Variants in ADGRL3 observed in about 807,000 individuals in gnomAD.
The protein encoded by ADGRL3 is adhesion G protein-coupled receptor L3.
In ADGRL3, 62 loss-of-function variants were observed where a neutral mutation model predicts 153.5. That is an observed-to-expected ratio of 0.40 (90% CI 0.33 to 0.50). The LOEUF (loss-of-function observed/expected upper bound fraction) is 0.50, where lower values mean the gene tolerates loss of function less well. ADGRL3 is among the 20% of genes least tolerant of loss of function. The pLI is 0.47. For missense variants in ADGRL3, 1,641 were observed against 1,859.4 expected, an observed-to-expected ratio of 0.88 and a Z score of 2.16; for synonymous variants, 710 against 672.5, an observed-to-expected ratio of 1.06 and a Z score of -0.86.
At chr4:61,447,251 C>T (rs1444040235) in intron 2 of ADGRL3, among the ~76,000 whole-genome samples, 1 of 152,078 alleles carries the variant, frequency 6.6e-6, no homozygotes, top group South Asian at 2.1e-4. Context: ...ATAGACATCC[C>T]TTTGTGTTAC....
intron 1 of ADGRL3, among the ~76,000 whole-genome samples, chr4:61,213,458 A>AT (rs139696851): frequency 0.068 from 10,356 of 151,806 alleles, 891 homozygotes; most frequent in African/African-American, 0.2. Context: ...TCATATTTAA[A>AT]TTTTTTTTCT....
intron 21 of ADGRL3, among the ~76,000 whole-genome samples, chr4:62,013,132 T>A (rs1035810000): frequency 6.6e-6 from 1 of 152,114 alleles, no homozygotes; most frequent in Non-Finnish European, 1.5e-5. Context: ...GGAGTTGTGA[T>A]GGGAAAGAGG....
chr4:61,450,503 G>A (rs1461358578), intron 2 of ADGRL3, among the ~76,000 whole-genome samples: 1 of 152,090 alleles, frequency 6.6e-6, no homozygotes, highest in East Asian at 1.9e-4. Flanking sequence ...TGCCTGTTAA[G>A]TGGCATATTG....
intron 9 of ADGRL3, among the ~76,000 whole-genome samples, chr4:61,861,536 G>C (rs2098340198): frequency 6.6e-6 from 1 of 151,920 alleles, no homozygotes; most frequent in Non-Finnish European, 1.5e-5. Flanking sequence ...GATTAGGTGG[G>C]GTTGTGATTA....
At chr4:61,468,939 G>A (rs2097914671) in intron 2 of ADGRL3, among the ~76,000 whole-genome samples, 1 of 152,128 alleles carries the variant, frequency 6.6e-6, no homozygotes, top group Non-Finnish European at 1.5e-5. Context: ...TATATACAAA[G>A]TTATAATGAA....
chr4:61,734,373 T>G (rs1348394058), intron 8 of ADGRL3, among the ~76,000 whole-genome samples: 1 of 152,138 alleles, frequency 6.6e-6, no homozygotes, highest in Non-Finnish European at 1.5e-5. Context: ...GGGTAATTTA[T>G]AAAAGAAAGA....
Position 61,769,779 on chromosome 4 carries a change from G to C in ADGRL3, c.1399+36225G>C, listed in dbSNP as rs370904349. Among the ~76,000 whole-genome samples, 5 of 150,944 alleles carry C rather than the reference G, an allele frequency of 3.3e-5. No individual in the cohort carries two copies. In the East Asian group the frequency reaches 7.9e-4, roughly 24 times the overall value. ...TGCTCAGTGGGCAGGAGTGGGGGTC[G>C]CAAGGTGCTCAGTGGGGGTGCTTTT... On this transcript the variant is annotated intron_variant, in intron 8 of 26. Transcript: ENST00000683033.
intron 9 of ADGRL3, among the ~76,000 whole-genome samples, chr4:61,841,809 C>T (rs940525944): frequency 1.3e-5 from 2 of 152,146 alleles, no homozygotes; most frequent in African/African-American, 2.4e-5. Context: ...GAGTTCCTTG[C>T]TGTCTAGACT....
intron 1 of ADGRL3, among the ~76,000 whole-genome samples, chr4:61,291,567 CATATATATATATATACATATAT>C (rs1422537395): frequency 4.9e-4 from 66 of 134,376 alleles, no homozygotes; most frequent in Non-Finnish European, 7.5e-4. Flanking sequence ...TATATATATA[CATATATATATATATACATATAT>C]ATATATATAT....
At chr4:61,593,716 T>C (rs976068625) in intron 5 of ADGRL3, among the ~76,000 whole-genome samples, 2 of 152,154 alleles carry the variant, frequency 1.3e-5, no homozygotes, top group Non-Finnish European at 2.9e-5. Context: ...TTTTTCCCTC[T>C]GGCTGCTTTT....
At chr4:61,518,745 G>T (rs1042211020) in intron 4 of ADGRL3, among the ~76,000 whole-genome samples, 1 of 152,282 alleles carries the variant, frequency 6.6e-6, no homozygotes, top group African/African-American at 2.4e-5. Flanking sequence ...CAGCAAAGTG[G>T]TGGGCGAGGC....
At chr4:61,975,697 C>A (rs1253737677) in intron 17 of ADGRL3, among the ~76,000 whole-genome samples, 1 of 152,060 alleles carries the variant, frequency 6.6e-6, no homozygotes, top group Non-Finnish European at 1.5e-5. Flanking sequence ...CAGATGGCTC[C>A]AATCAAGTTG....
intron 8 of ADGRL3, among the ~76,000 whole-genome samples, chr4:61,781,331 C>CAAAAAAAAAAAAAAAAAAAA (rs71281828): frequency 1.9e-4 from 12 of 64,394 alleles, no homozygotes; most frequent in African/African-American, 6.6e-4. Context: ...ATTCTGCCTC[C>CAAAAAAAAAAAAAAAAAAAA]AAAAAAAAAA....
At chr4:61,814,357 TAAA>T (rs2097664823) in intron 9 of ADGRL3, among the ~76,000 whole-genome samples, 1 of 152,114 alleles carries the variant, frequency 6.6e-6, no homozygotes, top group African/African-American at 2.4e-5. Flanking sequence ...AAATATGTGT[TAAA>T]ATTATGTATT....
intron 2 of ADGRL3, among the ~76,000 whole-genome samples, chr4:61,394,324 G>A (rs1181879990): frequency 1.3e-5 from 2 of 152,000 alleles, no homozygotes; most frequent in African/African-American, 4.8e-5. Flanking sequence ...TCTAAAGAGT[G>A]TAAGACATAC....
In ADGRL3 at chr4:61,523,768, T is replaced by C. The variant is rs2098544333; in HGVS notation, c.259+6250T>C. Among the ~76,000 whole-genome samples, 3 of 152,100 alleles carry C rather than the reference T, an allele frequency of 2.0e-5. No individual in the cohort carries two copies. The South Asian group carries it at 6.2e-4, about 31-fold the overall frequency. On this transcript the variant is annotated intron_variant, in intron 4 of 26. Coordinates refer to ENST00000683033, the MANE Select transcript of ADGRL3 (RefSeq NM_001387552.1). ...AATGTGCGAGCTTGACCTTCAAGTA[T>C]TTCCAGAATAGTATAAGCTCAGTCT...
chr4:61,282,829 C>G (rs1182575078), intron 1 of ADGRL3, among the ~76,000 whole-genome samples: 1 of 152,008 alleles, frequency 6.6e-6, no homozygotes, highest in African/African-American at 2.4e-5. Flanking sequence ...TTTAGATTCA[C>G]AATGGAAATT....
chr4:61,202,285 G>T lies in ADGRL3; in HGVS notation c.-240+520G>T. On this transcript the variant is annotated intron_variant, in intron 1 of 26. Transcript: ENST00000683033. The surrounding 1 kb of genome is among the most constrained non-coding windows in gnomAD (Gnocchi z 5.0). The stretch of plus-strand genomic sequence containing the variant: ...AAATGCAGGGTGCCGAGCCCGGCGC[G>T]ATTCTCCCTCAACGCTTGCCTGGAG... 1 of 152,596 alleles carries T rather than the reference G, an allele frequency of 6.6e-6. No individual in the cohort carries two copies. The highest frequency in any genetic ancestry group is 1.9e-4 in the East Asian group (1 of 5,154). 9.5% of individuals were successfully genotyped at this position (152,596 alleles called of 1,614,324 possible).
chr4:61,240,929 T>G, intron 1 of ADGRL3, among the ~76,000 whole-genome samples: 1 of 152,060 alleles, frequency 6.6e-6, no homozygotes, highest in East Asian at 1.9e-4. Context: ...TGTATAGGTA[T>G]GATTTTAGTG....
Sources: gnomAD v4.1 joint callset for allele counts (sites outside exome capture counted in the v4.1 genomes callset) on GRCh38, gnomAD v4.1.1 for gene constraint, Gnocchi (gnomAD v3.1) non-coding constraint, MANE v1.5 for transcripts, NCBI Gene and HGNC (gene_info 2026-07-23, HGNC 2026-07-21) for gene names.